The following NR2F1-AS1 variants were observed in gnomAD, a reference collection of about 807,000 sequenced individuals.
NR2F1-AS1 encodes the protein NR2F1 regulatory antisense RNA 1.
rs114190590 is a variant in NR2F1-AS1, at chr5:93,458,092, G to A, written n.639-62550C>T. Reference sequence around the variant, plus strand: ...GGTGGCCAGCCCCTCCACACCTGTGGGCATTTCTCATCAGGTGAAATGAAA... The same window carrying A: ...GGTGGCCAGCCCCTCCACACCTGTGAGCATTTCTCATCAGGTGAAATGAAA... On this transcript the variant is annotated intron_variant and non_coding_transcript_variant, in intron 4 of 5. Coordinates refer to ENST00000660523, the Ensembl canonical transcript of NR2F1-AS1. 8.2e-3 allele frequency among the ~76,000 whole-genome samples: 1,252 copies of A among 152,232 alleles called. 7 individuals carry two copies. Among genetic ancestry groups the A allele is most frequent in the Middle Eastern group, 0.014 (4 of 294 alleles).
At chr5:93,510,904 T>C (rs577133546) in intron 4 of NR2F1-AS1, among the ~76,000 whole-genome samples, 2 of 152,324 alleles carry the variant, frequency 1.3e-5, no homozygotes, top group Non-Finnish European at 2.9e-5. Flanking sequence ...ACAACTGTTA[T>C]TACATAATAA....
chr5:93,533,996 TCCCTTGAA>T (rs1285059320), intron 4 of NR2F1-AS1, among the ~76,000 whole-genome samples: 1 of 152,048 alleles, frequency 6.6e-6, no homozygotes, highest in African/African-American at 2.4e-5. Flanking sequence ...GGCACGAGAA[TCCCTTGAA>T]CCCAGGAGGC....
intron 2 of NR2F1-AS1, among the ~76,000 whole-genome samples, chr5:93,562,904 CA>C (rs964380635): frequency 6.6e-6 from 1 of 152,122 alleles, no homozygotes; most frequent in African/African-American, 2.4e-5. Context: ...GAATCAAATA[CA>C]GAAAAATCTT....
intron 2 of NR2F1-AS1, among the ~76,000 whole-genome samples, chr5:93,562,514 G>A (rs535274226): frequency 2.2e-4 from 33 of 152,132 alleles, no homozygotes; most frequent in East Asian, 1.6e-3. Flanking sequence ...GGCTAGTCTC[G>A]AACTCCTGAG....
At chr5:93,518,023 G>A (rs777909470) in intron 4 of NR2F1-AS1, among the ~76,000 whole-genome samples, 1 of 151,926 alleles carries the variant, frequency 6.6e-6, no homozygotes, top group Non-Finnish European at 1.5e-5. Context: ...CTTGATCTTG[G>A]GGCTTAAGCA....
intron 4 of NR2F1-AS1, among the ~76,000 whole-genome samples, chr5:93,533,769 T>C (rs75795579): frequency 0.15 from 22,173 of 152,152 alleles, 2,125 homozygotes; most frequent in East Asian, 0.37. Context: ...GGTTAGGATA[T>C]ATCTCTAGTA....
At chr5:93,572,215 TCA>T (rs1430410335) in intron 1 of NR2F1-AS1, among the ~76,000 whole-genome samples, 1 of 152,122 alleles carries the variant, frequency 6.6e-6, no homozygotes, top group Non-Finnish European at 1.5e-5. Context: ...GTACACACAC[TCA>T]CACGGGCGCG....
intron 4 of NR2F1-AS1, among the ~76,000 whole-genome samples, chr5:93,458,996 AG>A (rs1750026127): frequency 6.6e-6 from 1 of 152,158 alleles, no homozygotes; most frequent in African/African-American, 2.4e-5. Context: ...TGAGCGACAG[AG>A]TGAGACTTCA....
chr5:93,485,727 T>C (rs1251605201), intron 4 of NR2F1-AS1, among the ~76,000 whole-genome samples: 6 of 152,040 alleles, frequency 3.9e-5, no homozygotes, highest in Admixed American at 3.3e-4. Context: ...GATCTAGAAC[T>C]AGAAATACCA....
intron 4 of NR2F1-AS1, among the ~76,000 whole-genome samples, chr5:93,531,781 A>G (rs1203804129): frequency 3.9e-5 from 6 of 152,200 alleles, no homozygotes; most frequent in African/African-American, 1.4e-4. Context: ...TACAAACAGG[A>G]AAGAGAAAAC....
chr5:93,575,780 T>G (rs1403686141), intron 1 of NR2F1-AS1, among the ~76,000 whole-genome samples: 1 of 152,164 alleles, frequency 6.6e-6, no homozygotes, highest in East Asian at 1.9e-4. Context: ...AAAAGCTAAA[T>G]GAAGAGTCAG....
intron 4 of NR2F1-AS1, among the ~76,000 whole-genome samples, chr5:93,445,892 C>A (rs149493013): frequency 0.013 from 2,004 of 152,252 alleles, 186 homozygotes; most frequent in Admixed American, 0.12. Context: ...AAGGCTGGTT[C>A]AACATATGCA....
chr5:93,458,921 A>C (rs1047071617), intron 4 of NR2F1-AS1, among the ~76,000 whole-genome samples: 2 of 152,104 alleles, frequency 1.3e-5, no homozygotes, highest in African/African-American at 4.8e-5. Flanking sequence ...CTGAGACAAG[A>C]GAATCGCTTG....
At chr5:93,486,067 A>G (rs1342405811) in intron 4 of NR2F1-AS1, among the ~76,000 whole-genome samples, 3 of 128,986 alleles carry the variant, frequency 2.3e-5, no homozygotes, top group Non-Finnish European at 4.9e-5. Flanking sequence ...GAACAATGAG[A>G]ACACATGGAC....
intron 4 of NR2F1-AS1, among the ~76,000 whole-genome samples, chr5:93,548,762 T>A (rs1186204675): frequency 1.3e-5 from 2 of 151,780 alleles, no homozygotes; most frequent in Non-Finnish European, 1.5e-5. Flanking sequence ...TCCCAGCTAC[T>A]TGGGAGGCTG....
At chr5:93,536,536 T>C (rs1580312626) in intron 4 of NR2F1-AS1, among the ~76,000 whole-genome samples, 1 of 152,142 alleles carries the variant, frequency 6.6e-6, no homozygotes, top group South Asian at 2.1e-4. Context: ...CTTCAAAATA[T>C]ACTACAAAGC....
At chr5:93,469,312 A>G (rs1297235416) in intron 4 of NR2F1-AS1, among the ~76,000 whole-genome samples, 1 of 152,166 alleles carries the variant, frequency 6.6e-6, no homozygotes, top group Admixed American at 6.6e-5. Context: ...TACTGTAAGA[A>G]ATCTTAATGC....
intron 1 of NR2F1-AS1, chr5:93,569,946 C>A (rs965152848): frequency 2.0e-5 from 3 of 152,230 alleles, no homozygotes; most frequent in African/African-American, 7.2e-5. Flanking sequence ...CCTCTGCAAG[C>A]AGTCCTCCCA....
intron 2 of NR2F1-AS1, among the ~76,000 whole-genome samples, chr5:93,562,196 A>G (rs541116463): frequency 8.3e-6 from 1 of 119,826 alleles, no homozygotes; most frequent in African/African-American, 4.5e-5. Flanking sequence ...AAAAAAAAAA[A>G]AAAGAAAAGA....
Sources: gnomAD v4.1 joint callset for allele counts (sites outside exome capture counted in the v4.1 genomes callset) on GRCh38, gnomAD v4.1.1 for gene constraint, MANE v1.5 for transcripts, NCBI Gene and HGNC (gene_info 2026-07-23, HGNC 2026-07-21) for gene names.